SLC6A3: variants seen among roughly 807,000 people sequenced by gnomAD.
The protein encoded by SLC6A3 is solute carrier family 6 member 3.
Under a neutral mutation model 70.4 loss-of-function variants are expected in SLC6A3, and 19 were observed. The ratio of observed to expected loss-of-function variants is 0.27; its 90% CI spans 0.19 to 0.40. The LOEUF is 0.40. SLC6A3 is among the 10% of genes least tolerant of loss of function. The pLI is 1.00. For missense variants in SLC6A3, 613 were observed against 838.5 expected, an observed-to-expected ratio of 0.73 and a Z score of 3.32; for synonymous variants, 368 against 356.6, an observed-to-expected ratio of 1.03 and a Z score of -0.36.
chr5:1,443,039 G>T lies in SLC6A3; in HGVS notation c.159C>A (p.Ser53Arg), dbSNP rs116703280. ...TSSTLTNPRQ[S>R]PVEAQDRETW... ...TCTCCCGATCCTGGGCCTCCACGGG[G>T]CTCTGCCGCGGGTTGGTGAGGGTGG... The change falls in exon 2 of 15, where the codon AGC becomes AGA. Residue 53 changes from serine (S) to arginine (R), a missense_variant. Coordinates refer to ENST00000270349, the MANE Select transcript of SLC6A3 (RefSeq NM_001044.5). The T allele has an allele frequency of 2.8e-5, 45 of 1,614,232 alleles. No homozygotes were observed. The highest frequency in any genetic ancestry group is 3.6e-5 in the Non-Finnish European group (43 of 1,180,040).
In SLC6A3 at chr5:1,411,920, A is replaced by C. The variant is rs1056586635; in HGVS notation, c.1157-565T>G. ...TACCATGCAATATACACACACAGAC[A>C]CATGCGCGCACATGCACGAACACTC... On this transcript the variant is annotated intron_variant, in intron 8 of 14. Coordinates refer to ENST00000270349, the MANE Select transcript of SLC6A3 (RefSeq NM_001044.5). This position sits in a 1 kb window ranked among gnomAD's most constrained non-coding sequence, Gnocchi z 6.5. Among the ~76,000 whole-genome samples the C allele has an allele frequency of 1.3e-5, 2 of 152,158 alleles. No homozygotes were observed. The highest frequency in any genetic ancestry group is 1.3e-4 in the Admixed American group (2 of 15,282).
rs28363130 is a variant in SLC6A3, at chr5:1,402,909, T to C, written c.1767+13A>G. The C allele has an allele frequency of 6.5e-4, 1,049 of 1,612,354 alleles. 7 individuals carry two copies. The East Asian group carries it at 0.016, about 25-fold the overall frequency. On this transcript the variant is annotated intron_variant, in intron 13 of 14. Coordinates refer to ENST00000270349, the MANE Select transcript of SLC6A3 (RefSeq NM_001044.5). The surrounding 1 kb of genome is among the most constrained non-coding windows in gnomAD (Gnocchi z 8.5). Reference sequence around the variant, plus strand: ...CTCACACTCGGGTGAAGGCGCCCCGTCCAAATACCCACCTCTCGAAAGGAC... The same window carrying C: ...CTCACACTCGGGTGAAGGCGCCCCGCCCAAATACCCACCTCTCGAAAGGAC...
In SLC6A3 at chr5:1,442,451, G is replaced by A. The variant is rs1047996865; in HGVS notation, c.286+461C>T. Among the ~76,000 whole-genome samples, 5 of 152,218 alleles carry A rather than the reference G, an allele frequency of 3.3e-5. No individual in the cohort carries two copies. Among genetic ancestry groups the A allele is most frequent in the African/African-American group, 1.2e-4 (5 of 41,460 alleles). Reference sequence around the variant, plus strand: ...GCCTCGATCTTCGCTTTCTGGCTCTGTGGCTGGGTTCTGGAGGGTGCAGGG... The same window carrying A: ...GCCTCGATCTTCGCTTTCTGGCTCTATGGCTGGGTTCTGGAGGGTGCAGGG... On this transcript the variant is annotated intron_variant, in intron 2 of 14. Coordinates refer to ENST00000270349, the MANE Select transcript of SLC6A3 (RefSeq NM_001044.5). This position sits in a 1 kb window ranked among gnomAD's most constrained non-coding sequence, Gnocchi z 5.0.
At chr5:1,434,703 T>A (rs934875416) in intron 3 of SLC6A3, among the ~76,000 whole-genome samples, 1 of 152,240 alleles carries the variant, frequency 6.6e-6, no homozygotes, top group African/African-American at 2.4e-5. Flanking sequence ...TAAAACCCAG[T>A]AGGCACCATG....
chr5:1,422,085 G>C (rs1452834719), intron 4 of SLC6A3, 71 bp from the exon 5 acceptor site: 23 of 1,528,424 alleles, frequency 1.5e-5, no homozygotes, highest in Non-Finnish European at 2.1e-5. Flanking sequence ...GGCTGAGCTT[G>C]TCCGGGGACC....
Position 1,416,214 on chromosome 5 carries a change from A to G in SLC6A3, c.928-13T>C. On this transcript the variant is annotated splice_polypyrimidine_tract_variant and intron_variant, in intron 6 of 14. Coordinates refer to ENST00000270349, the MANE Select transcript of SLC6A3 (RefSeq NM_001044.5). ...CGTCAATCCAAACCTGCAGAGCCAG[A>G]GGGCGGTGAGAGGCTGTCCCAGGAG... 6.2e-7 allele frequency: 1 copy of G among 1,605,202 alleles called. No individual in the cohort carries two copies. The highest frequency in any genetic ancestry group is 1.1e-5 in the South Asian group (1 of 90,960).
chr5:1,395,381 T>C (rs913762124), intron 14 of SLC6A3, among the ~76,000 whole-genome samples: 1 of 152,230 alleles, frequency 6.6e-6, no homozygotes, highest in Admixed American at 6.5e-5. Context: ...AGCCCCTCGA[T>C]AGCACTAAAT....
At position 1,393,893 on chromosome 5, in the gene SLC6A3, A is replaced by G. The variant is rs1755645877; in HGVS notation, c.*842T>C. The G allele has an allele frequency of 6.7e-6, 1 of 149,360 alleles. No homozygotes were observed. Among genetic ancestry groups the G allele is most frequent in the Non-Finnish European group, 1.5e-5 (1 of 67,574 alleles). 9.3% of individuals were successfully genotyped at this position (149,360 alleles called of 1,614,324 possible). A position where few individuals can be genotyped will look rare whatever the true frequency, so the allele number is the denominator to read the frequency against. ...GGGGGCCCTGCATGCGTCCAGGGAT[A>G]GGACATGCTCCTGTGGGGGCCCTGC... On this transcript the variant is annotated 3_prime_UTR_variant, in exon 15 of 15. Coordinates refer to ENST00000270349, the MANE Select transcript of SLC6A3 (RefSeq NM_001044.5).
chr5:1,438,798 G>A lies in SLC6A3; in HGVS notation c.418+2561C>T, dbSNP rs1321170828. Among the ~76,000 whole-genome samples, 1 of 152,206 alleles carries A rather than the reference G, an allele frequency of 6.6e-6. No homozygotes were observed. The highest frequency in any genetic ancestry group is 1.9e-4 in the East Asian group (1 of 5,184). ...TGTGACAGACTCCAGGGTGGCTCTT[G>A]AAAATCCAGCAAAGCACAGTTGGAT... On this transcript the variant is annotated intron_variant, in intron 3 of 14. Transcript: ENST00000270349. This position sits in a 1 kb window ranked among gnomAD's most constrained non-coding sequence, Gnocchi z 6.5.
At chr5:1,425,138 C>T (rs1249445206) in intron 4 of SLC6A3, among the ~76,000 whole-genome samples, 2 of 152,236 alleles carry the variant, frequency 1.3e-5, no homozygotes, top group African/African-American at 4.8e-5. Flanking sequence ...CCAATTTCTA[C>T]TGGGCTCTTT....
chr5:1,413,430 C>A lies in SLC6A3; in HGVS notation c.1156+1261G>T, dbSNP rs972492268. Among the ~76,000 whole-genome samples the A allele has an allele frequency of 5.9e-5, 9 of 152,190 alleles. No individual in the cohort carries two copies. The highest frequency in any genetic ancestry group is 5.9e-4 in the Admixed American group (9 of 15,282). ...TACCTGCGGTGCGAGGGTCCTAGTGCCCCACTCTGTGAGACTCAGGTGCGG... is the reference window on the plus strand; with the variant it reads ...TACCTGCGGTGCGAGGGTCCTAGTGACCCACTCTGTGAGACTCAGGTGCGG... On this transcript the variant is annotated intron_variant, in intron 8 of 14. Coordinates refer to ENST00000270349, the MANE Select transcript of SLC6A3 (RefSeq NM_001044.5). The surrounding 1 kb of genome is among the most constrained non-coding windows in gnomAD (Gnocchi z 7.1).
At chr5:1,420,286 G>T (rs182014711) in intron 6 of SLC6A3, among the ~76,000 whole-genome samples, 1 of 152,358 alleles carries the variant, frequency 6.6e-6, no homozygotes, top group Admixed American at 6.5e-5. Context: ...CCATGGCCCA[G>T]CTGAGTCTCC....
Position 1,416,858 on chromosome 5 carries a change from A to G in SLC6A3, c.928-657T>C, listed in dbSNP as rs187520063. On this transcript the variant is annotated intron_variant, in intron 6 of 14. Transcript: ENST00000270349. ...CGGAACAGCACGGCCTCATCCACAC[A>G]TGACATGACCGCAGCGTCCTAACAA... Among the ~76,000 whole-genome samples, 324 of 152,058 alleles carry G rather than the reference A, an allele frequency of 2.1e-3. 5 individuals carry two copies. The highest frequency in any genetic ancestry group is 3.2e-3 in the Non-Finnish European group (220 of 68,000).
chr5:1,422,199 C>T (rs1205575691), intron 4 of SLC6A3, among the ~76,000 whole-genome samples, 185 bp from the exon 5 acceptor site: 1 of 152,228 alleles, frequency 6.6e-6, no homozygotes, highest in Non-Finnish European at 1.5e-5. Context: ...GTCAGGGCCG[C>T]CCTTGAAACC....
chr5:1,401,182 A>G lies in SLC6A3; in HGVS notation c.1768-196T>C, dbSNP rs1211614260. On this transcript the variant is annotated intron_variant, in intron 13 of 14. Coordinates refer to ENST00000270349, the MANE Select transcript of SLC6A3 (RefSeq NM_001044.5). The surrounding 1 kb of genome is among the most constrained non-coding windows in gnomAD (Gnocchi z 6.1). The stretch of plus-strand genomic sequence containing the variant: ...TACACTGCCAGTGCCCATGCCGACC[A>G]GACAGCCAGTCAGGCCCGAAGCCAA... 1 of 701,200 alleles carries G rather than the reference A, an allele frequency of 1.4e-6. No homozygotes were observed. Among genetic ancestry groups the G allele is most frequent in the Non-Finnish European group, 2.6e-6 (1 of 384,240 alleles). The allele number at this position is 701,200 out of a possible 1,614,324, so 43.4% of individuals were successfully genotyped here. A position where few individuals can be genotyped will look rare whatever the true frequency, so the allele number is the denominator to read the frequency against.
At chr5:1,433,248 T>C (rs756953715) in intron 3 of SLC6A3, among the ~76,000 whole-genome samples, 7 of 150,660 alleles carry the variant, frequency 4.6e-5, no homozygotes, top group Non-Finnish European at 1.0e-4. Flanking sequence ...CACCCAGGGC[T>C]ACCTAGGGAG....
At chr5:1,432,067 G>A (rs1272161844) in intron 4 of SLC6A3, among the ~76,000 whole-genome samples, 1 of 152,146 alleles carries the variant, frequency 6.6e-6, no homozygotes, top group Non-Finnish European at 1.5e-5. Flanking sequence ...CAGAGGAAGG[G>A]TAGGGAGGAA....
rs947555396 is a variant in SLC6A3 at position 1,405,100 on chromosome 5, T to A, written c.1599+1088A>T. ...TGCTATTAAAAGCCCGCCCCATGAA[T>A]CCAGGAACCTTCAACGGGAGCCTTC... is the stretch of plus-strand genomic sequence containing the variant. On this transcript the variant is annotated intron_variant, in intron 12 of 14. Coordinates refer to ENST00000270349, the MANE Select transcript of SLC6A3 (RefSeq NM_001044.5). This position sits in a 1 kb window ranked among gnomAD's most constrained non-coding sequence, Gnocchi z 5.3. Among the ~76,000 whole-genome samples, 1 of 152,166 alleles carries A rather than the reference T, an allele frequency of 6.6e-6. No homozygotes were observed.
In SLC6A3 at chr5:1,409,716, C is replaced by T. The variant is rs1756068240; in HGVS notation, c.1398+5G>A. The T allele has an allele frequency of 1.9e-6, 3 of 1,613,146 alleles. No individual in the cohort carries two copies. The highest frequency in any genetic ancestry group is 2.5e-6 in the Non-Finnish European group (3 of 1,180,018). ...GGAGAAGGCGAAGCCGGCGATGGTACGTACGTTGGTGACGCAGAACAGGGA... is the reference window on the plus strand; with the variant it reads ...GGAGAAGGCGAAGCCGGCGATGGTATGTACGTTGGTGACGCAGAACAGGGA... On this transcript the variant is annotated splice_donor_5th_base_variant and intron_variant, in intron 10 of 14. Coordinates refer to ENST00000270349, the MANE Select transcript of SLC6A3 (RefSeq NM_001044.5).
Sources: allele counts gnomAD v4.1 joint callset (sites outside exome capture counted in the v4.1 genomes callset), GRCh38; gene constraint gnomAD v4.1.1; non-coding constraint Gnocchi (gnomAD v3.1); transcripts MANE v1.5; gene names NCBI Gene and HGNC (gene_info 2026-07-23, HGNC 2026-07-21).